CAMK1D: variants seen among roughly 807,000 people sequenced by gnomAD.
CAMK1D encodes calcium/calmodulin dependent protein kinase ID, also known as calcium/calmodulin-dependent protein kinase type 1D.
CAMK1D carries 9 observed loss-of-function variants against 47.7 expected under a neutral mutation model. The observed-to-expected ratio is 0.19, with a 90% CI of 0.11 to 0.33. The LOEUF (loss-of-function observed/expected upper bound fraction) is 0.33, where lower values mean the gene tolerates loss of function less well. Among genes scored for constraint, CAMK1D ranks in the 10% least tolerant of loss-of-function variants. The pLI is 1.00. For synonymous variants in CAMK1D, 184 were observed against 184.9 expected (o/e 0.99, Z 0.04); for missense variants, 291 against 488.7 (o/e 0.60, Z 3.81).
At chr10:12,548,569 A>G (rs1588621198) in intron 1 of CAMK1D, among the ~76,000 whole-genome samples, 1 of 147,274 alleles carries the variant, frequency 6.8e-6, no homozygotes, top group East Asian at 2.0e-4. Flanking sequence ...GGCCCAAGTG[A>G]TCCTCCTACC....
At chr10:12,612,339 CTTT>C (rs11333936) in intron 2 of CAMK1D, among the ~76,000 whole-genome samples, 37 of 121,648 alleles carry the variant, frequency 3.0e-4, no homozygotes, top group Admixed American at 6.1e-4. Context: ...TAATTAATTA[CTTT>C]TTTTTTTTTT....
At chr10:12,617,021 C>G (rs1326653968) in intron 2 of CAMK1D, among the ~76,000 whole-genome samples, 1 of 152,086 alleles carries the variant, frequency 6.6e-6, no homozygotes, top group Non-Finnish European at 1.5e-5. Flanking sequence ...ATATCCCTGT[C>G]TAGTCACAAA....
In CAMK1D at chr10:12,828,910, G is replaced by C. The variant is rs779832568; in HGVS notation, c.*23G>C. 32 of 1,557,820 alleles carry C rather than the reference G, an allele frequency of 2.1e-5. No individual in the cohort carries two copies. Among genetic ancestry groups the C allele is most frequent in the Non-Finnish European group, 2.8e-5 (32 of 1,149,536 alleles). ...TGACTGGCCCTGGAGGTGGGGCCCG[G>C]GGTCGGGGCTGGGGAAGGGGAGCCC... On this transcript the variant is annotated 3_prime_UTR_variant, in exon 11 of 11. Transcript: ENST00000619168.
intron 1 of CAMK1D, among the ~76,000 whole-genome samples, chr10:12,424,353 C>A (rs974465535): frequency 2.6e-5 from 4 of 152,026 alleles, no homozygotes; most frequent in African/African-American, 9.7e-5. Context: ...TTGGCTCTTT[C>A]CCCCACCTCT....
intron 1 of CAMK1D, among the ~76,000 whole-genome samples, chr10:12,370,474 G>A (rs968483988): frequency 1.3e-5 from 2 of 152,154 alleles, no homozygotes; most frequent in African/African-American, 4.8e-5. Context: ...AGAAAGCGTT[G>A]TTATCGTAGG....
intron 3 of CAMK1D, among the ~76,000 whole-genome samples, chr10:12,684,739 GA>G (rs1832586292): frequency 6.6e-6 from 1 of 151,920 alleles, no homozygotes; most frequent in Non-Finnish European, 1.5e-5. Context: ...GTAATGAAAA[GA>G]AAACACTAAG....
chr10:12,365,389 A>C (rs916268095), intron 1 of CAMK1D, among the ~76,000 whole-genome samples: 2 of 152,194 alleles, frequency 1.3e-5, no homozygotes, highest in African/African-American at 2.4e-5. Context: ...AAGACCTCAC[A>C]TTAATCCATA....
intron 1 of CAMK1D, among the ~76,000 whole-genome samples, chr10:12,365,105 C>T (rs1253955345): frequency 6.6e-6 from 1 of 151,548 alleles, no homozygotes; most frequent in Non-Finnish European, 1.5e-5. Context: ...TATAGGTATA[C>T]ACCACCACGC....
chr10:12,814,943 C>T (rs1162222128), intron 7 of CAMK1D, among the ~76,000 whole-genome samples: 1 of 152,170 alleles, frequency 6.6e-6, no homozygotes, highest in Non-Finnish European at 1.5e-5. Context: ...TCTGGGAGCT[C>T]CAGGAGTAAA....
chr10:12,801,179 A>G (rs1354948703), intron 6 of CAMK1D, among the ~76,000 whole-genome samples: 6 of 152,088 alleles, frequency 3.9e-5, no homozygotes, highest in Non-Finnish European at 8.8e-5. Flanking sequence ...GCAGCATTTA[A>G]TGATCACTAT....
At chr10:12,485,989 G>T (rs1834201473) in intron 1 of CAMK1D, among the ~76,000 whole-genome samples, 1 of 152,076 alleles carries the variant, frequency 6.6e-6, no homozygotes. Context: ...CAGGGACCAC[G>T]GCAGAGTGCC....
intron 1 of CAMK1D, among the ~76,000 whole-genome samples, chr10:12,535,143 C>T (rs569415958): frequency 9.2e-5 from 14 of 152,242 alleles, no homozygotes; most frequent in South Asian, 2.1e-4. Context: ...CCATCGTATG[C>T]GCCTGCTTGC....
chr10:12,712,298 C>A (rs527769733), intron 3 of CAMK1D, among the ~76,000 whole-genome samples: 1 of 152,270 alleles, frequency 6.6e-6, no homozygotes, highest in East Asian at 1.9e-4. Context: ...AGGATGCAGC[C>A]CTGTGTCTAG....
chr10:12,453,539 C>A (rs1833153098), intron 1 of CAMK1D, among the ~76,000 whole-genome samples: 1 of 152,148 alleles, frequency 6.6e-6, no homozygotes, highest in Admixed American at 6.6e-5. Flanking sequence ...ATGGCTAGAT[C>A]ATATTTCGCT....
chr10:12,717,047 A>T (rs1407073845), intron 3 of CAMK1D, among the ~76,000 whole-genome samples: 2 of 152,242 alleles, frequency 1.3e-5, no homozygotes, highest in Non-Finnish European at 2.9e-5. Context: ...CCATTACTTG[A>T]GGAGTAGTCC....
chr10:12,426,265 A>G (rs997559638), intron 1 of CAMK1D, among the ~76,000 whole-genome samples: 1 of 152,000 alleles, frequency 6.6e-6, no homozygotes, highest in African/African-American at 2.4e-5. Context: ...TTTCTTTTTG[A>G]GATGGAGTTT....
chr10:12,403,060 A>G (rs1227110776), intron 1 of CAMK1D, among the ~76,000 whole-genome samples: 1 of 150,872 alleles, frequency 6.6e-6, no homozygotes, highest in East Asian at 1.9e-4. Context: ...TTTTGCCTGC[A>G]TTGTCTACTT....
chr10:12,821,952 C>T (rs1313456576), intron 8 of CAMK1D, among the ~76,000 whole-genome samples: 7 of 151,744 alleles, frequency 4.6e-5, no homozygotes, highest in African/African-American at 1.5e-4. Context: ...CCAGCCTGGG[C>T]GACAGAGCAA....
chr10:12,574,506 C>T (rs7897952), intron 2 of CAMK1D, among the ~76,000 whole-genome samples: 4,568 of 107,884 alleles, frequency 0.042, 301 homozygotes, highest in African/African-American at 0.17. Context: ...TTAGTAGAGA[C>T]GGGGCTTCGC....
Sources: gnomAD v4.1 joint callset for allele counts (sites outside exome capture counted in the v4.1 genomes callset) on GRCh38, gnomAD v4.1.1 for gene constraint, MANE v1.5 for transcripts, NCBI Gene and HGNC (gene_info 2026-07-23, HGNC 2026-07-21) for gene names.